DOCK3: variants seen among roughly 807,000 people sequenced by gnomAD.
The protein encoded by DOCK3 is dedicator of cytokinesis protein 3.
Under a neutral mutation model 265.6 loss-of-function variants are expected in DOCK3, and 60 were observed. The ratio of observed to expected loss-of-function variants is 0.23; its 90% CI spans 0.18 to 0.28. The LOEUF is 0.28. DOCK3 is among the 10% of genes least tolerant of loss of function. The pLI is 1.00. For synonymous variants in DOCK3, 881 were observed against 938.0 expected, an observed-to-expected ratio of 0.94 and a Z score of 1.11; for missense variants, 1,981 against 2,594.3, an observed-to-expected ratio of 0.76 and a Z score of 5.14.
At chr3:51,056,634 G>A (rs1575911701) in intron 5 of DOCK3, among the ~76,000 whole-genome samples, 1 of 152,236 alleles carries the variant, frequency 6.6e-6, no homozygotes, top group Non-Finnish European at 1.5e-5. Context: ...ATGAGTTTTG[G>A]AATATAAGAA....
chr3:51,027,180 T>G (rs2079858819), intron 5 of DOCK3, among the ~76,000 whole-genome samples: 1 of 152,146 alleles, frequency 6.6e-6, no homozygotes, highest in African/African-American at 2.4e-5. Flanking sequence ...AATTTTTTTT[T>G]GTTTCTGCCT....
At chr3:51,176,824 G>T (rs921903679) in intron 12 of DOCK3, among the ~76,000 whole-genome samples, 3 of 152,134 alleles carry the variant, frequency 2.0e-5, no homozygotes, top group Non-Finnish European at 4.4e-5. Context: ...ACAACTGGTG[G>T]TTCGGAAAAT....
At chr3:50,890,671 A>G (rs1205070330) in intron 4 of DOCK3, among the ~76,000 whole-genome samples, 2 of 152,094 alleles carry the variant, frequency 1.3e-5, no homozygotes, top group Non-Finnish European at 2.9e-5. Flanking sequence ...TTATTTTTCA[A>G]AATTTATTAT....
chr3:50,803,845 C>G (rs2043219580), intron 2 of DOCK3, among the ~76,000 whole-genome samples: 1 of 151,324 alleles, frequency 6.6e-6, no homozygotes, highest in East Asian at 2.0e-4. Context: ...GGGCTGCCCC[C>G]CACCTCCATC....
intron 33 of DOCK3, among the ~76,000 whole-genome samples, chr3:51,330,926 A>G (rs760186690): frequency 6.6e-6 from 1 of 152,170 alleles, no homozygotes; most frequent in Non-Finnish European, 1.5e-5. Context: ...CAACTTTGAG[A>G]TGTTCTTTGT....
intron 1 of DOCK3, among the ~76,000 whole-genome samples, chr3:50,722,495 T>A (rs936882651): frequency 6.6e-6 from 1 of 152,220 alleles, no homozygotes; most frequent in Non-Finnish European, 1.5e-5. Context: ...TGGGCTCATC[T>A]TAAGTACGTG....
intron 39 of DOCK3, among the ~76,000 whole-genome samples, chr3:51,349,744 A>G (rs1235681079): frequency 6.6e-6 from 1 of 152,176 alleles, no homozygotes. Flanking sequence ...AGTTTAAAAT[A>G]TCTTAACTTG....
intron 2 of DOCK3, among the ~76,000 whole-genome samples, chr3:50,792,838 C>T (rs1339670013): frequency 1.3e-5 from 2 of 152,128 alleles, no homozygotes; most frequent in African/African-American, 4.8e-5. Context: ...GCGAATATTT[C>T]ATTGAGGATT....
chr3:51,021,472 A>G (rs1190268404), intron 5 of DOCK3, among the ~76,000 whole-genome samples: 1 of 152,170 alleles, frequency 6.6e-6, no homozygotes, highest in Non-Finnish European at 1.5e-5. Flanking sequence ...ACCTAGTAGT[A>G]TAAATTATCC....
chr3:51,353,784 CCT>C (rs1262184171), intron 40 of DOCK3, among the ~76,000 whole-genome samples: 1 of 151,316 alleles, frequency 6.6e-6, no homozygotes, highest in Non-Finnish European at 1.5e-5. Flanking sequence ...CCCTGTGACG[CCT>C]CTCTCTCTCT....
At chr3:50,765,335 C>T (rs2040809126) in intron 1 of DOCK3, among the ~76,000 whole-genome samples, 3 of 151,822 alleles carry the variant, frequency 2.0e-5, no homozygotes, top group South Asian at 2.1e-4. Flanking sequence ...CTGCCCATCT[C>T]GGCCTCTCAA....
intron 5 of DOCK3, among the ~76,000 whole-genome samples, chr3:50,997,983 G>A (rs901027456): frequency 8.5e-5 from 13 of 152,070 alleles, no homozygotes; most frequent in African/African-American, 3.1e-4. Flanking sequence ...ATTTTAATGG[G>A]TCTAATTTTA....
intron 6 of DOCK3, among the ~76,000 whole-genome samples, chr3:51,071,705 C>T (rs2081873855): frequency 6.6e-6 from 1 of 152,168 alleles, no homozygotes; most frequent in Non-Finnish European, 1.5e-5. Flanking sequence ...CATCAGAACC[C>T]ATGCTCCTTA....
At chr3:50,723,571 A>G (rs2037614278) in intron 1 of DOCK3, among the ~76,000 whole-genome samples, 1 of 152,194 alleles carries the variant, frequency 6.6e-6, no homozygotes, top group Admixed American at 6.5e-5. Context: ...ATCTTTGACA[A>G]ACTTGACAAA....
chr3:51,162,553 T>A (rs1396241535), intron 12 of DOCK3, among the ~76,000 whole-genome samples: 2 of 152,156 alleles, frequency 1.3e-5, no homozygotes, highest in African/African-American at 4.8e-5. Context: ...TAAAGAGAAA[T>A]CCAAAATCAT....
At chr3:51,067,194 A>C (rs1235813533) in intron 6 of DOCK3, among the ~76,000 whole-genome samples, 10 of 152,242 alleles carry the variant, frequency 6.6e-5, no homozygotes, top group Admixed American at 6.5e-4. Flanking sequence ...GTTTAACTGC[A>C]ACTATAGATT....
Position 51,007,124 on chromosome 3 carries a change from G to A in DOCK3, c.316-57324G>A, listed in dbSNP as rs143726672. Among the ~76,000 whole-genome samples the A allele has an allele frequency of 1.4e-3, 211 of 152,202 alleles. 2 individuals carry two copies. The highest frequency in any genetic ancestry group is 4.4e-3 in the African/African-American group (181 of 41,520). On this transcript the variant is annotated intron_variant, in intron 5 of 52. Transcript: ENST00000266037. ...TTTATAGTAGCATGCTTTATAATCC[G>A]TTGGATATATACCCAGTAATGGGAT...
intron 1 of DOCK3, among the ~76,000 whole-genome samples, chr3:50,703,791 C>G (rs1363422431): frequency 6.7e-6 from 1 of 150,148 alleles, no homozygotes; most frequent in Non-Finnish European, 1.5e-5. Context: ...ATATTTTGGT[C>G]TCTTGCATTT....
intron 1 of DOCK3, among the ~76,000 whole-genome samples, chr3:50,709,444 G>C: frequency 6.6e-6 from 1 of 152,062 alleles, no homozygotes; most frequent in Non-Finnish European, 1.5e-5. Flanking sequence ...AGCTGACAGT[G>C]GTGAACATTT....
Sources: allele counts gnomAD v4.1 joint callset (sites outside exome capture counted in the v4.1 genomes callset), GRCh38; gene constraint gnomAD v4.1.1; transcripts MANE v1.5; gene names NCBI Gene and HGNC (gene_info 2026-07-23, HGNC 2026-07-21).